FGGY: variants seen among roughly 807,000 people sequenced by gnomAD.
The protein encoded by FGGY is FGGY carbohydrate kinase domain-containing protein.
Under a neutral mutation model 71.3 loss-of-function variants are expected in FGGY, and 72 were observed. The ratio of observed to expected loss-of-function variants is 1.01; its 90% CI spans 0.84 to 1.23. The LOEUF is 1.23. Among genes scored for constraint, FGGY ranks in the 50% most tolerant of loss-of-function variants. FGGY has a pLI of 0.00. For missense variants in FGGY, 668 were observed against 682.3 expected (o/e 0.98, Z 0.23); for synonymous variants, 251 against 250.3 (o/e 1.00, Z -0.02).
At position 59,366,726 on chromosome 1, in the gene FGGY, C is replaced by A. The variant is rs555255945; in HGVS notation, c.466-12023C>A. On this transcript the variant is annotated intron_variant, in intron 4 of 15. Coordinates refer to ENST00000303721, the MANE Select transcript of FGGY (RefSeq NM_018291.5). ...TCATGAGTTAGACTTGGCTCTTGCC[C>A]TTCAGAAGTTTGTCATTTCAAGGTA... Among the ~76,000 whole-genome samples, 4 of 152,014 alleles carry A rather than the reference C, an allele frequency of 2.6e-5. No individual in the cohort carries two copies. The South Asian group carries it at 8.3e-4, about 32-fold the overall frequency.
At chr1:59,612,540 A>T (rs1034471510) in intron 9 of FGGY, among the ~76,000 whole-genome samples, 4 of 152,176 alleles carry the variant, frequency 2.6e-5, no homozygotes, top group African/African-American at 4.8e-5. Context: ...CACTGCAAAA[A>T]CATGCCAAAT....
chr1:59,731,824 A>C (rs1010560728), intron 14 of FGGY, among the ~76,000 whole-genome samples: 1 of 152,046 alleles, frequency 6.6e-6, no homozygotes, highest in Non-Finnish European at 1.5e-5. Flanking sequence ...AATCCCCTGG[A>C]ATCTGGCTCT....
intron 6 of FGGY, among the ~76,000 whole-genome samples, chr1:59,481,754 G>A (rs981897948): frequency 2.6e-5 from 4 of 152,144 alleles, no homozygotes; most frequent in Non-Finnish European, 5.9e-5. Context: ...TGCAAGGCCA[G>A]CGGTCTAAGT....
chr1:59,669,766 G>A (rs1487533168), intron 13 of FGGY, among the ~76,000 whole-genome samples: 3 of 151,998 alleles, frequency 2.0e-5, no homozygotes, highest in Admixed American at 6.6e-5. Flanking sequence ...AGTCAGCTTT[G>A]GAGAACACAG....
intron 8 of FGGY, among the ~76,000 whole-genome samples, chr1:59,566,845 C>A (rs2095880707): frequency 6.6e-6 from 1 of 151,898 alleles, no homozygotes; most frequent in Non-Finnish European, 1.5e-5. Context: ...ATCTAGAGAA[C>A]TGAGTATAGT....
intron 11 of FGGY, among the ~76,000 whole-genome samples, chr1:59,648,867 G>T (rs904708314): frequency 2.0e-5 from 3 of 152,064 alleles, no homozygotes; most frequent in Non-Finnish European, 4.4e-5. Flanking sequence ...TTCTTCTAGG[G>T]TTTTTATGGT....
At chr1:59,412,475 T>G (rs2063745616) in intron 5 of FGGY, among the ~76,000 whole-genome samples, 1 of 152,074 alleles carries the variant, frequency 6.6e-6, no homozygotes, top group African/African-American at 2.4e-5. Context: ...TTTATTCCCT[T>G]TGTCTATCAG....
At chr1:59,555,801 ACCAG>A (rs1558335669) in intron 8 of FGGY, among the ~76,000 whole-genome samples, 2 of 152,144 alleles carry the variant, frequency 1.3e-5, no homozygotes, top group African/African-American at 4.8e-5. Flanking sequence ...AGAGTTCAAG[ACCAG>A]CCTGGCCAAC....
chr1:59,376,415 G>A (rs1190604319), intron 4 of FGGY, among the ~76,000 whole-genome samples: 1 of 152,170 alleles, frequency 6.6e-6, no homozygotes, highest in Non-Finnish European at 1.5e-5. Flanking sequence ...ACTTGGGATA[G>A]TACCGTTTAT....
At chr1:59,545,284 A>G (rs1374136948) in intron 7 of FGGY, among the ~76,000 whole-genome samples, 1 of 152,220 alleles carries the variant, frequency 6.6e-6, no homozygotes, top group Non-Finnish European at 1.5e-5. Context: ...TGTGCCTTCG[A>G]GTCACAGTAT....
rs181164922 is a variant in FGGY, at chr1:59,488,611, T to C, written c.671-23700T>C. ...TGTATTGATATATTCATACTATATA[T>C]GTATCATTACTTTACACAATTGAAA... is the stretch of plus-strand genomic sequence containing the variant. On this transcript the variant is annotated intron_variant, in intron 6 of 15. Transcript: ENST00000303721. 2.0e-3 allele frequency among the ~76,000 whole-genome samples: 301 copies of C among 149,838 alleles called. 1 individual carries two copies. Among genetic ancestry groups the C allele is most frequent in the African/African-American group, 6.9e-3 (284 of 41,174 alleles).
chr1:59,401,705 C>T (rs2061988443), intron 5 of FGGY, among the ~76,000 whole-genome samples: 1 of 152,200 alleles, frequency 6.6e-6, no homozygotes, highest in Non-Finnish European at 1.5e-5. Context: ...AGCCACTCAA[C>T]AAGTATTGGC....
intron 14 of FGGY, among the ~76,000 whole-genome samples, chr1:59,702,577 T>C (rs1448428969): frequency 6.6e-6 from 1 of 152,158 alleles, no homozygotes; most frequent in Non-Finnish European, 1.5e-5. Context: ...AGGGTGTTCA[T>C]AGAAGAGAGA....
At chr1:59,379,057 C>A (rs566931129) in intron 5 of FGGY, among the ~76,000 whole-genome samples, 2 of 152,060 alleles carry the variant, frequency 1.3e-5, no homozygotes, top group South Asian at 2.1e-4. Flanking sequence ...AAGGTGAAGA[C>A]CATTCATTAA....
intron 10 of FGGY, 68 bp downstream of exon 10, chr1:59,626,117 C>A (rs1031742744): frequency 3.0e-6 from 4 of 1,340,488 alleles, no homozygotes; most frequent in Non-Finnish European, 4.2e-6. Context: ...TCACGTTGGG[C>A]AGTTGGGTGA....
intron 8 of FGGY, among the ~76,000 whole-genome samples, chr1:59,587,522 A>T (rs1002298144): frequency 2.0e-5 from 3 of 152,286 alleles, no homozygotes; most frequent in African/African-American, 7.2e-5. Context: ...CTGACCCCCA[A>T]GCAGCCTAAC....
intron 6 of FGGY, among the ~76,000 whole-genome samples, chr1:59,478,901 T>G (rs972592823): frequency 6.6e-6 from 1 of 152,120 alleles, no homozygotes; most frequent in Non-Finnish European, 1.5e-5. Flanking sequence ...TCTCCAAGGA[T>G]GCTGAAAAAG....
chr1:59,408,087 A>T (rs1414852335), intron 5 of FGGY, among the ~76,000 whole-genome samples: 1 of 152,208 alleles, frequency 6.6e-6, no homozygotes, highest in Non-Finnish European at 1.5e-5. Context: ...TTGGGAGGCC[A>T]TGTGGTGTCA....
Position 59,499,299 on chromosome 1 carries a change from G to GTTTTTTTTTTTTTTTTTTT in FGGY, c.671-12996_671-12995insTTTTTTTTTTTTTTTTTTT, listed in dbSNP as rs58170089. ...ACTGAACCCTATGTATACTATGTTT[G>GTTTTTTTTTTTTTTTTTTT]TTTTTTTTTTTTTTTTGATCTGGTA... On this transcript the variant is annotated intron_variant, in intron 6 of 15. Coordinates refer to ENST00000303721, the MANE Select transcript of FGGY (RefSeq NM_018291.5). 6.4e-3 allele frequency among the ~76,000 whole-genome samples: 678 copies of GTTTTTTTTTTTTTTTTTTT among 105,676 alleles called. 59 individuals carry two copies. The highest frequency in any genetic ancestry group is 0.019 in the Middle Eastern group (3 of 162). 69.3% of individuals were successfully genotyped at this position (105,676 alleles called of 152,430 possible).
Sources: gnomAD v4.1 joint callset for allele counts (sites outside exome capture counted in the v4.1 genomes callset) on GRCh38, gnomAD v4.1.1 for gene constraint, MANE v1.5 for transcripts, NCBI Gene and HGNC (gene_info 2026-07-23, HGNC 2026-07-21) for gene names.